The following TNFRSF21 variants were observed in gnomAD, a reference collection of about 807,000 sequenced individuals.
The protein encoded by TNFRSF21 is TNF receptor superfamily member 21.
A neutral mutation model predicts 45.6 loss-of-function variants in TNFRSF21; 19 were observed. The ratio of observed to expected loss-of-function variants is 0.42; its 90% confidence interval spans 0.29 to 0.61. The LOEUF is 0.61. Among genes scored for constraint, TNFRSF21 ranks in the 20% least tolerant of loss-of-function variants. TNFRSF21 has a pLI of 0.23. For missense variants in TNFRSF21, 737 were observed against 851.5 expected, an observed-to-expected ratio of 0.87 and a Z score of 1.67; for synonymous variants, 314 against 335.5, an observed-to-expected ratio of 0.94 and a Z score of 0.70.
rs1392601821 is a variant in TNFRSF21 at position 47,234,869 on chromosome 6, C to T, written c.1539G>A (p.Met513Ile). ...QLETDKLALP[M>I]SPSPLSPSPI... is the part of the protein sequence containing the mutation. ...GGCTCGGGCTAAGCGGGCTGGGGCTCATCGGGAGAGCTAGTTTGTCAGTTT... is the reference window on the plus strand; with the variant it reads ...GGCTCGGGCTAAGCGGGCTGGGGCTTATCGGGAGAGCTAGTTTGTCAGTTT... Residue 513 changes from methionine to isoleucine, a missense_variant, in exon 5 of 6, where the codon ATG becomes ATA. Transcript: ENST00000296861. 1.4e-6 allele frequency: 2 copies of T among 1,408,410 alleles called. No individual in the cohort carries two copies. The highest frequency in any genetic ancestry group is 1.5e-5 in the African/African-American group (1 of 65,806). The allele number at this position is 1,408,410 out of a possible 1,614,324, so 87.2% of individuals were successfully genotyped here. A position where few individuals can be genotyped will look rare whatever the true frequency, so the allele number is the denominator to read the frequency against.
At position 47,234,824 on chromosome 6, in the gene TNFRSF21, C is replaced by G; in HGVS notation, c.1584G>C (p.Ala528=). The change falls in exon 5 of 6, where the codon GCG becomes GCC. Residue 528 remains alanine, a synonymous_variant. Coordinates refer to ENST00000296861, the MANE Select transcript of TNFRSF21 (RefSeq NM_014452.5). The part of the protein sequence containing the change: ...LSPSPIPSPN[A]KLENSALLTV... ...TCAGGAGAGCGGAATTCTCAAGTTTCGCGTTGGGGCTGGGGATGGGGCTCG... is the reference window on the plus strand; with the variant it reads ...TCAGGAGAGCGGAATTCTCAAGTTTGGCGTTGGGGCTGGGGATGGGGCTCG... 1.9e-6 allele frequency: 3 copies of G among 1,545,280 alleles called. No individual in the cohort carries two copies. Among genetic ancestry groups the G allele is most frequent in the Non-Finnish European group, 2.6e-6 (3 of 1,149,500 alleles).
chr6:47,257,183 A>T (rs1476549919), intron 3 of TNFRSF21, among the ~76,000 whole-genome samples: 1 of 152,138 alleles, frequency 6.6e-6, no homozygotes, highest in African/African-American at 2.4e-5. Context: ...TCCAAAACCC[A>T]GTACTGTATT....
At chr6:47,297,733 G>A (rs946841830) in intron 1 of TNFRSF21, among the ~76,000 whole-genome samples, 4 of 152,028 alleles carry the variant, frequency 2.6e-5, no homozygotes, top group Non-Finnish European at 5.9e-5. Flanking sequence ...ATATTGACCA[G>A]GCTGGTCTTG....
chr6:47,305,348 A>T (rs75771387), intron 1 of TNFRSF21, among the ~76,000 whole-genome samples: 1 of 151,412 alleles, frequency 6.6e-6, no homozygotes. Context: ...CCAGTAGAGT[A>T]TTTTTTTTTC....
intron 3 of TNFRSF21, among the ~76,000 whole-genome samples, chr6:47,261,872 G>A (rs1380233569): frequency 4.6e-5 from 7 of 152,186 alleles, no homozygotes; most frequent in African/African-American, 9.7e-5. Context: ...ACCAGTATAC[G>A]ATAGCATGGT....
At chr6:47,251,802 C>T (rs928823633) in intron 4 of TNFRSF21, among the ~76,000 whole-genome samples, 2 of 152,148 alleles carry the variant, frequency 1.3e-5, no homozygotes, top group African/African-American at 2.4e-5. Context: ...CCCTCACTTT[C>T]CCCCAAATCC....
At chr6:47,240,103 T>G (rs565109212) in intron 4 of TNFRSF21, among the ~76,000 whole-genome samples, 1 of 152,282 alleles carries the variant, frequency 6.6e-6, no homozygotes, top group South Asian at 2.1e-4. Context: ...ATTTAACCCC[T>G]TGGCTCCTGA....
In TNFRSF21 at chr6:47,232,859, A is replaced by G; in HGVS notation, c.1874T>C (p.Leu625Pro). The G allele has an allele frequency of 6.2e-7, 1 of 1,614,132 alleles. No individual in the cohort carries two copies. ...IEEIPQAEDK[L>P]DRLFEIIGVK... is the part of the protein sequence containing the mutation. ...TCCAATAATTTCGAATAGCCGGTCT[A>G]GTTTGTCCTCAGCCTGGGGAATCTC... The change falls in exon 6 of 6, where the codon CTA becomes CCA. Residue 625 changes from leucine to proline, a missense_variant. Physicochemically the swap from Leu to Pro is moderately conservative, Grantham distance 98. Transcript: ENST00000296861.
intron 1 of TNFRSF21, among the ~76,000 whole-genome samples, chr6:47,294,456 A>G (rs1762769197): frequency 6.6e-6 from 1 of 152,170 alleles, no homozygotes; most frequent in South Asian, 2.1e-4. Context: ...ACAGGTTTAA[A>G]AGCGAGCAGG....
chr6:47,270,973 A>G (rs1762406022), intron 3 of TNFRSF21, among the ~76,000 whole-genome samples: 1 of 152,228 alleles, frequency 6.6e-6, no homozygotes, highest in Non-Finnish European at 1.5e-5. Flanking sequence ...GAGAAAAAAG[A>G]GTAAAAAGAA....
At chr6:47,297,510 CTTTTT>C (rs55690288) in intron 1 of TNFRSF21, among the ~76,000 whole-genome samples, 14 of 117,456 alleles carry the variant, frequency 1.2e-4, no homozygotes, top group African/African-American at 1.9e-4. Flanking sequence ...TCTCTTTTTA[CTTTTT>C]TTTTTTTTTT....
intron 3 of TNFRSF21, 121 bp downstream of exon 3, chr6:47,283,817 G>C: frequency 8.0e-7 from 1 of 1,245,036 alleles, no homozygotes; most frequent in Non-Finnish European, 1.1e-6. Context: ...ACTAGATCAA[G>C]TAGTGTTTGG....
chr6:47,268,658 A>C (rs76319660), intron 3 of TNFRSF21, among the ~76,000 whole-genome samples: 1 of 152,282 alleles, frequency 6.6e-6, no homozygotes. Flanking sequence ...GAAATCATCC[A>C]AGTAAAAGAT....
chr6:47,280,746 T>C (rs965567421), intron 3 of TNFRSF21, among the ~76,000 whole-genome samples: 3 of 152,212 alleles, frequency 2.0e-5, no homozygotes, highest in Admixed American at 1.3e-4. Context: ...AAGGTCATTA[T>C]ATTAAATTGC....
intron 3 of TNFRSF21, among the ~76,000 whole-genome samples, chr6:47,255,597 G>A (rs1223518019): frequency 6.6e-6 from 1 of 152,082 alleles, no homozygotes; most frequent in East Asian, 1.9e-4. Flanking sequence ...AAGTAGCTGG[G>A]ATTACAGACA....
chr6:47,244,249 G>A (rs950135077), intron 4 of TNFRSF21, among the ~76,000 whole-genome samples: 9 of 150,906 alleles, frequency 6.0e-5, no homozygotes, highest in East Asian at 2.0e-4. Context: ...GCGTGAACCC[G>A]GGAGGGGGAG....
At chr6:47,287,009 TG>T (rs754599668) in intron 1 of TNFRSF21, among the ~76,000 whole-genome samples, 27 of 152,200 alleles carry the variant, frequency 1.8e-4, no homozygotes, top group Admixed American at 1.2e-3. Flanking sequence ...TTGCAAAATT[TG>T]CAATTTGCAA....
intron 4 of TNFRSF21, among the ~76,000 whole-genome samples, chr6:47,241,097 T>C (rs1764737796): frequency 6.6e-6 from 1 of 152,194 alleles, no homozygotes; most frequent in African/African-American, 2.4e-5. Context: ...AAAAAAGGCA[T>C]ATTTTCTTTG....
rs372233293 is a variant in TNFRSF21 at position 47,305,794 on chromosome 6, T to C, written c.96+3622A>G. ...TTTCTAAAACTTCAGACCTCATATCTTTACCAATTATGGCTCCCTTCTCTT... is the reference window on the plus strand; with the variant it reads ...TTTCTAAAACTTCAGACCTCATATCCTTACCAATTATGGCTCCCTTCTCTT... On this transcript the variant is annotated intron_variant, in intron 1 of 5. Coordinates refer to ENST00000296861, the MANE Select transcript of TNFRSF21 (RefSeq NM_014452.5). 1.1e-4 allele frequency among the ~76,000 whole-genome samples: 16 copies of C among 152,308 alleles called. 1 individual carries two copies. The South Asian group carries it at 2.5e-3, about 24-fold the overall frequency.
Sources: allele counts gnomAD v4.1 joint callset (sites outside exome capture counted in the v4.1 genomes callset), GRCh38; gene constraint gnomAD v4.1.1; transcripts MANE v1.5; gene names NCBI Gene and HGNC (gene_info 2026-07-23, HGNC 2026-07-21).